FAM90A15: variants seen among roughly 807,000 people sequenced by gnomAD.
FAM90A15 encodes the protein family with sequence similarity 90 member A15.
At chr8:7,257,668 GCCAA>G in the FAM90A15 span, 1 of 99,368 alleles carries the variant, frequency 1.0e-5, no homozygotes, top group Non-Finnish European at 1.9e-5. Context: ...CCGGGTTGAA[GCCAA>G]CCCGGGGCCC....
chr8:7,257,672 A>AC, the FAM90A15 span: 432 of 102,464 alleles, frequency 4.2e-3, 2 homozygotes, highest in Middle Eastern at 0.014. Flanking sequence ...GTTGAAGCCA[A>AC]CCCGGGGCCC....
chr8:7,256,937 AAG>A, the FAM90A15 span: 2 of 103,902 alleles, frequency 1.9e-5, no homozygotes, highest in Non-Finnish European at 3.4e-5. Flanking sequence ...ATCTTGGGCC[AAG>A]AGACTGGTGA....
At chr8:7,256,947 T>TC in the FAM90A15 span, 3 of 104,364 alleles carry the variant, frequency 2.9e-5, no homozygotes, top group East Asian at 5.2e-4. Flanking sequence ...AAGAGACTGG[T>TC]GAGAGCCCAG....
the FAM90A15 span, among the ~76,000 whole-genome samples, chr8:7,257,922 CG>C: frequency 6.0e-5 from 2 of 33,092 alleles, no homozygotes; most frequent in South Asian, 2.1e-3. Context: ...CGGGGAGAGG[CG>C]GGGGCGCTTC....
chr8:7,257,039 C>CCTG, the FAM90A15 span: 1 of 21,086 alleles, frequency 4.7e-5, no homozygotes, highest in South Asian at 2.5e-4. Context: ...AAGTCTAGCC[C>CCTG]TGGATCTCTT....
the FAM90A15 span, chr8:7,256,972 GC>G: frequency 9.5e-6 from 1 of 105,182 alleles, no homozygotes; most frequent in Non-Finnish European, 1.7e-5. Flanking sequence ...TCCAGAAGCA[GC>G]GGAGGGCCCC....
chr8:7,256,990 GC>G, the FAM90A15 span: 1 of 104,750 alleles, frequency 9.5e-6, no homozygotes. Flanking sequence ...CCCCAGTTGG[GC>G]CAAGGGCTCC....
At chr8:7,257,999 CT>C in the FAM90A15 span, among the ~76,000 whole-genome samples, 3 of 28,136 alleles carry the variant, frequency 1.1e-4, no homozygotes, top group Non-Finnish European at 7.4e-5. Flanking sequence ...GTTGGGGAGC[CT>C]AGAGGGCCAC....
the FAM90A15 span, chr8:7,257,619 GA>G: frequency 5.6e-5 from 3 of 53,942 alleles, no homozygotes; most frequent in South Asian, 1.0e-4. Context: ...CGACCTTGGG[GA>G]AAAAGGAAGG....
chr8:7,256,958 AC>A, the FAM90A15 span: 1 of 102,268 alleles, frequency 9.8e-6, no homozygotes, highest in East Asian at 1.8e-4. Flanking sequence ...GAGAGCCCAG[AC>A]CCTCCAGAAG....
Sources: allele counts gnomAD v4.1 joint callset (sites outside exome capture counted in the v4.1 genomes callset), GRCh38; gene constraint gnomAD v4.1.1; transcripts MANE v1.5; gene names NCBI Gene and HGNC (gene_info 2026-07-23, HGNC 2026-07-21).